Variants in THUMPD2 observed in about 807,000 individuals in gnomAD.
The protein encoded by THUMPD2 is U6 snRNA (guanine-N(2))-methyltransferase THUMPD2.
Under a neutral mutation model 49.4 loss-of-function variants are expected in THUMPD2, and 56 were observed. The ratio of observed to expected loss-of-function variants is 1.13; its 90% CI spans 0.91 to 1.41. The LOEUF (loss-of-function observed/expected upper bound fraction) is 1.41, where lower values mean the gene tolerates loss of function less well. THUMPD2 is among the 40% of genes most tolerant of loss of function. The pLI, the probability that THUMPD2 is intolerant of heterozygous loss-of-function variation, is 0.00. For missense variants in THUMPD2, 709 were observed against 594.5 expected (o/e 1.19, Z -2.00); for synonymous variants, 237 against 205.2 (o/e 1.15, Z -1.32).
Position 39,737,057 on chromosome 2 carries a change from ACT to A in THUMPD2, c.1188_1189del (p.Arg396SerfsTer13). 23 of 1,583,628 alleles carry A rather than the reference ACT, an allele frequency of 1.5e-5. No individual in the cohort carries two copies. Among genetic ancestry groups the A allele is most frequent in the Non-Finnish European group, 2.0e-5 (23 of 1,163,660 alleles). On this transcript the variant is annotated frameshift_variant and splice_region_variant, in exon 10 of 10. Coordinates refer to ENST00000505747, the MANE Select transcript of THUMPD2 (RefSeq NM_025264.5). LOFTEE classifies it low-confidence loss of function (END_TRUNC). ...TACAATGGTTCCGCCAACATGAAGC[ACT>A]CTGTGACAAAAAAAAAATGGTAATT...
chr2:39,766,995 C>A (rs1677608435), intron 4 of THUMPD2, among the ~76,000 whole-genome samples: 1 of 152,164 alleles, frequency 6.6e-6, no homozygotes, highest in African/African-American at 2.4e-5. Flanking sequence ...ACGACATGTT[C>A]ATATATCAAA....
chr2:39,760,261 G>A (rs1676646879), intron 6 of THUMPD2, among the ~76,000 whole-genome samples: 1 of 152,162 alleles, frequency 6.6e-6, no homozygotes, highest in Non-Finnish European at 1.5e-5. Context: ...TTATGACAGG[G>A]AAGAGGGGGA....
chr2:39,757,308 G>T, intron 6 of THUMPD2: 1 of 1,031,390 alleles, frequency 9.7e-7, no homozygotes, highest in Non-Finnish European at 1.4e-6. Flanking sequence ...CACTTGATAT[G>T]TCTACAGAGG....
intron 3 of THUMPD2, 33 bp downstream of exon 3, chr2:39,769,677 G>A: frequency 6.8e-7 from 1 of 1,472,580 alleles, no homozygotes; most frequent in Non-Finnish European, 8.9e-7. Flanking sequence ...TTCCAGCCTG[G>A]GCGACAGACT....
chr2:39,753,200 A>C (rs1051040300), intron 8 of THUMPD2, among the ~76,000 whole-genome samples: 1 of 152,098 alleles, frequency 6.6e-6, no homozygotes, highest in Non-Finnish European at 1.5e-5. Flanking sequence ...AAAATGCTCT[A>C]AACTAGTTGT....
At chr2:39,765,614 T>C (rs1233188133) in intron 5 of THUMPD2, among the ~76,000 whole-genome samples, 1 of 152,134 alleles carries the variant, frequency 6.6e-6, no homozygotes, top group Non-Finnish European at 1.5e-5. Flanking sequence ...TCAATAATTA[T>C]ACTTAATATA....
intron 1 of THUMPD2, among the ~76,000 whole-genome samples, chr2:39,772,435 T>C (rs1678460109): frequency 2.6e-5 from 4 of 152,076 alleles, no homozygotes. Context: ...GAGTGTAGAA[T>C]GTGATGCTAG....
At chr2:39,766,165 C>T (rs1572853569) in intron 4 of THUMPD2, 56 bp from the exon 5 acceptor site, 3 of 1,298,798 alleles carry the variant, frequency 2.3e-6, no homozygotes, top group East Asian at 2.7e-5. Flanking sequence ...TACCAAATTA[C>T]TGACAATTTG....
chr2:39,771,426 C>G lies in THUMPD2; in HGVS notation c.262+79G>C, dbSNP rs559204646. ...CAATGAATATTAAAGTGTAAAATGG[C>G]TACATATTATCAAGCAGAAAATGTT... is the stretch of plus-strand genomic sequence containing the variant. On this transcript the variant is annotated intron_variant, in intron 2 of 9. Transcript: ENST00000505747. The G allele has an allele frequency of 7.1e-6, 10 of 1,411,856 alleles. No homozygotes were observed. In the South Asian group the frequency reaches 1.3e-4, roughly 19 times the overall value. 87.5% of individuals were successfully genotyped at this position (1,411,856 alleles called of 1,614,324 possible). A position where few individuals can be genotyped will look rare whatever the true frequency, so the allele number is the denominator to read the frequency against.
chr2:39,750,859 G>GT (rs1246484486), intron 8 of THUMPD2, among the ~76,000 whole-genome samples: 11 of 152,248 alleles, frequency 7.2e-5, no homozygotes, highest in Admixed American at 4.6e-4. Flanking sequence ...CAAGTTATAT[G>GT]TTCATCAGCT....
chr2:39,775,507 T>C (rs994418311), intron 1 of THUMPD2, among the ~76,000 whole-genome samples: 3 of 152,116 alleles, frequency 2.0e-5, no homozygotes, highest in Non-Finnish European at 4.4e-5. Context: ...TGGTGGCTCA[T>C]GCCTGTAATC....
chr2:39,768,423 C>T lies in THUMPD2; in HGVS notation c.750+1G>A, dbSNP rs201901395. The T allele has an allele frequency of 3.2e-5, 51 of 1,607,966 alleles. No individual in the cohort carries two copies. The highest frequency in any genetic ancestry group is 4.2e-5 in the Non-Finnish European group (49 of 1,176,062). Reference sequence around the variant, plus strand: ...TATAAAATAAAACAAATACTCATTACCTCTAATTGTGGATTCCTCAAGTCT... The same window carrying T: ...TATAAAATAAAACAAATACTCATTATCTCTAATTGTGGATTCCTCAAGTCT... On this transcript the variant is annotated splice_donor_variant, in intron 4 of 9. Transcript: ENST00000505747. LOFTEE classifies it high-confidence loss of function.
intron 9 of THUMPD2, among the ~76,000 whole-genome samples, chr2:39,739,525 AC>A (rs1673617727): frequency 6.6e-6 from 1 of 152,232 alleles, no homozygotes; most frequent in South Asian, 2.1e-4. Context: ...TCATGATCTG[AC>A]ATTATCCAGT....
intron 8 of THUMPD2, among the ~76,000 whole-genome samples, chr2:39,751,587 T>C (rs1394986455): frequency 6.6e-6 from 1 of 152,182 alleles, no homozygotes; most frequent in Non-Finnish European, 1.5e-5. Context: ...CTAATTGCTA[T>C]TTCCTAAGAA....
chr2:39,753,004 C>T (rs2148245000), intron 8 of THUMPD2, among the ~76,000 whole-genome samples: 1 of 152,116 alleles, frequency 6.6e-6, no homozygotes, highest in South Asian at 2.1e-4. Context: ...AAGCAATTCT[C>T]CTCCTTCCTC....
chr2:39,756,124 A>C (rs1446402148), intron 6 of THUMPD2, among the ~76,000 whole-genome samples, 164 bp from the exon 7 acceptor site: 2 of 152,212 alleles, frequency 1.3e-5, no homozygotes, highest in South Asian at 4.1e-4. Context: ...TTATTTTTTT[A>C]AGTTGAAAGA....
intron 6 of THUMPD2, among the ~76,000 whole-genome samples, chr2:39,759,002 A>T (rs1023901026): frequency 2.0e-5 from 3 of 152,160 alleles, no homozygotes; most frequent in African/African-American, 7.2e-5. Flanking sequence ...TAAATAAATT[A>T]AAATAGAGCA....
intron 8 of THUMPD2, among the ~76,000 whole-genome samples, chr2:39,747,622 G>GT (rs1572765639): frequency 6.6e-6 from 1 of 152,020 alleles, no homozygotes; most frequent in Non-Finnish European, 1.5e-5. Context: ...CCCTGAAAAC[G>GT]TATCTGTGCA....
rs191420568 is a variant in THUMPD2 at position 39,736,368 on chromosome 2, G to A, written c.*367C>T. ...TACACATAAAGGTTTTTACATTTCC[G>A]AAAATCTGATAGTTAAAATATCCCG... On this transcript the variant is annotated 3_prime_UTR_variant, in exon 10 of 10. Transcript: ENST00000505747. The A allele has an allele frequency of 2.5e-3, 401 of 163,472 alleles. No homozygotes were observed. The highest frequency in any genetic ancestry group is 8.9e-3 in the African/African-American group (373 of 41,942). 10.1% of individuals were successfully genotyped at this position (163,472 alleles called of 1,614,324 possible). A position where few individuals can be genotyped will look rare whatever the true frequency, so the allele number is the denominator to read the frequency against.
Sources: gnomAD v4.1 joint callset for allele counts (sites outside exome capture counted in the v4.1 genomes callset) on GRCh38, gnomAD v4.1.1 for gene constraint, MANE v1.5 for transcripts, NCBI Gene and HGNC (gene_info 2026-07-23, HGNC 2026-07-21) for gene names.